The following LMNTD1 variants were observed in gnomAD, a reference collection of about 807,000 sequenced individuals.
LMNTD1 encodes the protein lamin tail domain containing 1.
LMNTD1 carries 35 observed loss-of-function variants against 50.9 expected under a neutral mutation model. That is an observed-to-expected ratio of 0.69 (90% confidence interval 0.53 to 0.91). LMNTD1 has a LOEUF of 0.91. Ranked by LOEUF, LMNTD1 falls within the 40% of genes least tolerant of loss-of-function variation. The probability of loss-of-function intolerance (pLI) is 0.00; values close to 1 mark genes in which losing one functional copy is unlikely to be tolerated. For missense variants in LMNTD1, 470 were observed against 475.5 expected (o/e 0.99, Z 0.11); for synonymous variants, 153 against 161.9 (o/e 0.94, Z 0.42).
At chr12:25,504,005 A>C (rs1388363890) in intron 8 of LMNTD1, among the ~76,000 whole-genome samples, 1 of 152,214 alleles carries the variant, frequency 6.6e-6, no homozygotes, top group Non-Finnish European at 1.5e-5. Flanking sequence ...AGTGGTTTAA[A>C]AACCACCTGA....
intron 1 of LMNTD1, among the ~76,000 whole-genome samples, chr12:25,617,138 T>C (rs1946367406): frequency 6.6e-6 from 1 of 152,040 alleles, no homozygotes; most frequent in Non-Finnish European, 1.5e-5. Context: ...ACTCAGAAGC[T>C]CTGAGTCAGC....
chr12:25,512,633 C>T (rs1940391071), intron 8 of LMNTD1, among the ~76,000 whole-genome samples: 1 of 152,052 alleles, frequency 6.6e-6, no homozygotes, highest in Non-Finnish European at 1.5e-5. Context: ...AATGTTTCCT[C>T]TTGACATCTG....
intron 3 of LMNTD1, among the ~76,000 whole-genome samples, chr12:25,547,576 A>G (rs1463985652): frequency 6.6e-6 from 1 of 151,778 alleles, no homozygotes; most frequent in Non-Finnish European, 1.5e-5. Context: ...AAACAAGGTG[A>G]AAGATATAAA....
rs55848800 is a variant in LMNTD1, at chr12:25,552,581, GA to G, written c.89+289del. Among the ~76,000 whole-genome samples the G allele has an allele frequency of 4.8e-3, 282 of 58,162 alleles. 3 individuals are homozygous for G. Among genetic ancestry groups the G allele is most frequent in the African/African-American group, 0.013 (218 of 17,420 alleles). The allele number at this position is 58,162 out of a possible 152,430, so 38.2% of individuals were successfully genotyped here. On this transcript the variant is annotated intron_variant, in intron 2 of 9. Coordinates refer to ENST00000458174, the MANE Select transcript of LMNTD1 (RefSeq NM_001145728.2). ...AAGATCGCGCCACTGCACTCTGTCT[GA>G]AAAAAAAAAAAAAAAAAAACGGAAC...
chr12:25,537,419 A>AC (rs980159385), intron 4 of LMNTD1, among the ~76,000 whole-genome samples: 2 of 151,974 alleles, frequency 1.3e-5, no homozygotes, highest in Non-Finnish European at 2.9e-5. Context: ...CTGACCCCTG[A>AC]CCCCCAAGCA....
chr12:25,576,562 G>T (rs942145273), intron 1 of LMNTD1, among the ~76,000 whole-genome samples: 1 of 152,104 alleles, frequency 6.6e-6, no homozygotes, highest in Non-Finnish European at 1.5e-5. Flanking sequence ...TTGTAAATTT[G>T]TTTAAGTTCT....
chr12:25,509,422 A>G (rs1481493557), intron 8 of LMNTD1, among the ~76,000 whole-genome samples: 1 of 152,230 alleles, frequency 6.6e-6, no homozygotes, highest in African/African-American at 2.4e-5. Context: ...TTCTTCTACT[A>G]TTCTTTTAGT....
intron 4 of LMNTD1, among the ~76,000 whole-genome samples, chr12:25,539,783 G>A (rs1942914501): frequency 7.8e-6 from 1 of 128,340 alleles, no homozygotes; most frequent in African/African-American, 2.8e-5. Context: ...AATGAATCCA[G>A]GAGCTGGTTT....
intron 9 of LMNTD1, among the ~76,000 whole-genome samples, chr12:25,499,256 T>C (rs780440142): frequency 2.0e-5 from 3 of 152,014 alleles, no homozygotes; most frequent in Non-Finnish European, 4.4e-5. Context: ...ATTTTTTTTG[T>C]AGTGACAGAG....
At chr12:25,559,290 G>A (rs1944180339) in intron 1 of LMNTD1, among the ~76,000 whole-genome samples, 1 of 152,068 alleles carries the variant, frequency 6.6e-6, no homozygotes, top group African/African-American at 2.4e-5. Flanking sequence ...GTGAGAACAT[G>A]GGGTGTTTGG....
intron 4 of LMNTD1, among the ~76,000 whole-genome samples, chr12:25,545,098 T>G (rs1269091896): frequency 6.6e-6 from 1 of 151,722 alleles, no homozygotes; most frequent in African/African-American, 2.4e-5. Context: ...TGAACATTAG[T>G]GTTTTTTTGT....
At chr12:25,504,283 GGAT>G (rs1483243947) in intron 8 of LMNTD1, among the ~76,000 whole-genome samples, 3 of 152,182 alleles carry the variant, frequency 2.0e-5, no homozygotes, top group Non-Finnish European at 2.9e-5. Flanking sequence ...TGACAGAAGG[GGAT>G]GATGCTTCGC....
At chr12:25,520,711 T>C (rs1247651337) in intron 6 of LMNTD1, among the ~76,000 whole-genome samples, 2 of 152,210 alleles carry the variant, frequency 1.3e-5, no homozygotes, top group African/African-American at 2.4e-5. Context: ...TTTTTGGGTA[T>C]GTACCCAGAA....
At chr12:25,546,722 C>T (rs1591981766) in intron 3 of LMNTD1, among the ~76,000 whole-genome samples, 168 bp from the exon 4 acceptor site, 2 of 151,614 alleles carry the variant, frequency 1.3e-5, no homozygotes, top group Admixed American at 6.6e-5. Flanking sequence ...AAACAAAAGC[C>T]TATAAAATAA....
chr12:25,504,720 A>G (rs1273461061), intron 8 of LMNTD1, among the ~76,000 whole-genome samples: 1 of 152,236 alleles, frequency 6.6e-6, no homozygotes, highest in African/African-American at 2.4e-5. Context: ...AATGTGATCT[A>G]CAAGGAAGAT....
intron 1 of LMNTD1, among the ~76,000 whole-genome samples, chr12:25,574,790 G>C (rs1309454262): frequency 6.6e-6 from 1 of 152,122 alleles, no homozygotes; most frequent in Non-Finnish European, 1.5e-5. Context: ...CCAGTGCACA[G>C]AATAGACACC....
intron 3 of LMNTD1, among the ~76,000 whole-genome samples, chr12:25,546,788 T>C: frequency 6.6e-6 from 1 of 151,716 alleles, no homozygotes; most frequent in African/African-American, 2.4e-5. Context: ...ATTTCAGTTA[T>C]CTTAAACAAT....
chr12:25,570,951 C>A (rs1168383110), intron 1 of LMNTD1, among the ~76,000 whole-genome samples: 1 of 152,174 alleles, frequency 6.6e-6, no homozygotes, highest in Non-Finnish European at 1.5e-5. Context: ...GGAGTAAATG[C>A]TGAGCAGCCT....
At chr12:25,526,706 G>A (rs1012308586) in intron 5 of LMNTD1, 63 bp downstream of exon 5, 10 of 1,096,774 alleles carry the variant, frequency 9.1e-6, no homozygotes, top group Non-Finnish European at 1.3e-5. Context: ...GCCACAGACT[G>A]TCAGTGTCAA....
Sources: allele counts gnomAD v4.1 joint callset (sites outside exome capture counted in the v4.1 genomes callset), GRCh38; gene constraint gnomAD v4.1.1; transcripts MANE v1.5; gene names NCBI Gene and HGNC (gene_info 2026-07-23, HGNC 2026-07-21).